SHISA9: variants seen among roughly 807,000 people sequenced by gnomAD.
SHISA9 encodes shisa family member 9.
Under a neutral mutation model 38.0 loss-of-function variants are expected in SHISA9, and 13 were observed. That is an observed-to-expected ratio of 0.34 (90% CI 0.22 to 0.54). SHISA9 has a LOEUF of 0.54. Among genes scored for constraint, SHISA9 ranks in the 20% least tolerant of loss-of-function variants. The probability of loss-of-function intolerance (pLI) is 0.91; values close to 1 mark genes in which losing one functional copy is unlikely to be tolerated. For synonymous variants in SHISA9, 275 were observed against 242.0 expected, an observed-to-expected ratio of 1.14 and a Z score of -1.27; for missense variants, 538 against 575.8, an observed-to-expected ratio of 0.93 and a Z score of 0.67.
intron 2 of SHISA9, among the ~76,000 whole-genome samples, chr16:13,045,463 G>A (rs1170585480): frequency 2.0e-5 from 3 of 152,242 alleles, no homozygotes; most frequent in Non-Finnish European, 4.4e-5. Flanking sequence ...AGTACAGATA[G>A]GTTCATGAGT....
chr16:12,977,410 A>G (rs2072177918), intron 2 of SHISA9, among the ~76,000 whole-genome samples: 1 of 152,168 alleles, frequency 6.6e-6, no homozygotes, highest in Non-Finnish European at 1.5e-5. Context: ...CAGTGTGGCA[A>G]TTCCTCAAAG....
chr16:13,241,894 G>A (rs1462357043), downstream of SHISA9, among the ~76,000 whole-genome samples: 1 of 152,122 alleles, frequency 6.6e-6, no homozygotes, highest in Non-Finnish European at 1.5e-5. Flanking sequence ...TTGGTGGCTG[G>A]AGTCACTCAC....
At chr16:13,471,477 A>G in the SHISA9 span, among the ~76,000 whole-genome samples, 45,663 of 152,022 alleles carry the variant, frequency 0.3, 6,911 homozygotes, top group East Asian at 0.39. Flanking sequence ...GACAAATGCT[A>G]GTCAGTAGAT....
chr16:13,300,826 C>T, the SHISA9 span, among the ~76,000 whole-genome samples: 3 of 127,542 alleles, frequency 2.4e-5, no homozygotes, highest in Admixed American at 8.9e-5. Context: ...GATAAAATCT[C>T]CCCCCTCCCC....
intron 2 of SHISA9, among the ~76,000 whole-genome samples, chr16:13,145,044 C>A (rs946054593): frequency 1.3e-5 from 2 of 152,150 alleles, no homozygotes; most frequent in Non-Finnish European, 2.9e-5. Context: ...AATGTTTCTT[C>A]GACCCTATTG....
chr16:13,289,964 A>T, the SHISA9 span, among the ~76,000 whole-genome samples: 1 of 152,222 alleles, frequency 6.6e-6, no homozygotes, highest in South Asian at 2.1e-4. Context: ...TAATTTGAGA[A>T]TATAGGGTTA....
the SHISA9 span, among the ~76,000 whole-genome samples, chr16:13,320,292 C>CAAAAA: frequency 0.045 from 1,764 of 38,912 alleles, 354 homozygotes; most frequent in South Asian, 0.064. Context: ...GACTCTGTCT[C>CAAAAA]AAAAAAAAAA....
At chr16:13,387,891 A>G in the SHISA9 span, among the ~76,000 whole-genome samples, 1 of 152,112 alleles carries the variant, frequency 6.6e-6, no homozygotes, top group Non-Finnish European at 1.5e-5. Context: ...AGTGAAACTC[A>G]ATTATGAAAT....
chr16:13,523,406 A>G, the SHISA9 span, among the ~76,000 whole-genome samples: 2 of 152,218 alleles, frequency 1.3e-5, no homozygotes, highest in African/African-American at 4.8e-5. Flanking sequence ...CACAGTATTA[A>G]TAGTGTCTTT....
At chr16:13,416,547 A>G in the SHISA9 span, among the ~76,000 whole-genome samples, 3 of 152,146 alleles carry the variant, frequency 2.0e-5, no homozygotes, top group Admixed American at 6.6e-5. Context: ...AACCACTTAG[A>G]AACCCAAGAA....
intron 3 of SHISA9, among the ~76,000 whole-genome samples, chr16:13,211,024 C>T (rs2051113975): frequency 6.6e-6 from 1 of 152,200 alleles, no homozygotes; most frequent in Non-Finnish European, 1.5e-5. Context: ...TGGCTGGGCA[C>T]AGTGGCTCAT....
At chr16:13,049,842 G>A (rs997657891) in intron 2 of SHISA9, among the ~76,000 whole-genome samples, 1 of 151,864 alleles carries the variant, frequency 6.6e-6, no homozygotes, top group Non-Finnish European at 1.5e-5. Context: ...GGGTCTGAAT[G>A]GGGGTTCTGA....
the SHISA9 span, among the ~76,000 whole-genome samples, chr16:13,272,105 A>C: frequency 2.0e-5 from 3 of 151,508 alleles, no homozygotes; most frequent in Non-Finnish European, 2.9e-5. Context: ...GAGAGAGAAA[A>C]TGTTCTAAAA....
intron 2 of SHISA9, among the ~76,000 whole-genome samples, chr16:13,009,586 A>G (rs933314357): frequency 4.6e-5 from 7 of 152,202 alleles, no homozygotes; most frequent in Non-Finnish European, 1.0e-4. Context: ...GGCTGCAGCT[A>G]CTACAGCAGC....
chr16:13,242,437 ACAT>A (rs2051442300), downstream of SHISA9, among the ~76,000 whole-genome samples: 1 of 152,216 alleles, frequency 6.6e-6, no homozygotes. Flanking sequence ...GTGCCACATT[ACAT>A]CATCATCCAA....
intron 2 of SHISA9, among the ~76,000 whole-genome samples, chr16:13,059,449 G>A (rs2073349515): frequency 6.6e-6 from 1 of 152,038 alleles, no homozygotes; most frequent in Admixed American, 6.6e-5. Context: ...TATTTACAGA[G>A]GTACAGAGTC....
At chr16:13,035,404 A>G (rs1217068765) in intron 2 of SHISA9, among the ~76,000 whole-genome samples, 1 of 152,206 alleles carries the variant, frequency 6.6e-6, no homozygotes, top group Non-Finnish European at 1.5e-5. Flanking sequence ...CCTACAGTGT[A>G]TCTGCACCCA....
the SHISA9 span, among the ~76,000 whole-genome samples, chr16:13,452,735 C>G: frequency 3.3e-5 from 5 of 151,972 alleles, no homozygotes; most frequent in African/African-American, 1.2e-4. Context: ...TCAACCTCAG[C>G]TCTCATGTTG....
rs917623204 is a variant in SHISA9 at position 12,938,687 on chromosome 16, GA to G, written c.691+21873del. Among the ~76,000 whole-genome samples, 333 of 151,912 alleles carry G rather than the reference GA, an allele frequency of 2.2e-3. 1 individual carries two copies. Among genetic ancestry groups the G allele is most frequent in the African/African-American group, 7.4e-3 (308 of 41,410 alleles). ...TAATTTTTTTTTTGTATTTTTAGTAGAGAGGGGGTTTCACCATGTTGGCCAG... is the reference window on the plus strand; with the variant it reads ...TAATTTTTTTTTTGTATTTTTAGTAGGAGGGGGTTTCACCATGTTGGCCAG... On this transcript the variant is annotated intron_variant, in intron 2 of 4. Transcript: ENST00000558583.
Sources: allele counts gnomAD v4.1 joint callset (sites outside exome capture counted in the v4.1 genomes callset), GRCh38; gene constraint gnomAD v4.1.1; transcripts MANE v1.5; gene names NCBI Gene and HGNC (gene_info 2026-07-23, HGNC 2026-07-21).